The following LTBP1 variants were observed in gnomAD, a reference collection of about 807,000 sequenced individuals.
The protein encoded by LTBP1 is latent-transforming growth factor beta-binding protein 1.
Under a neutral mutation model 207.6 loss-of-function variants are expected in LTBP1, and 129 were observed. That is an observed-to-expected ratio of 0.62 (90% CI 0.54 to 0.72). The LOEUF (loss-of-function observed/expected upper bound fraction) is 0.72, where lower values mean the gene tolerates loss of function less well. Ranked by LOEUF, LTBP1 falls within the 30% of genes least tolerant of loss-of-function variation. The pLI is 0.00. For synonymous variants in LTBP1, 963 were observed against 833.7 expected, an observed-to-expected ratio of 1.16 and a Z score of -2.67; for missense variants, 2,281 against 2,217.2, an observed-to-expected ratio of 1.03 and a Z score of -0.58.
intron 3 of LTBP1, among the ~76,000 whole-genome samples, chr2:33,104,908 G>C (rs539229185): frequency 6.6e-6 from 1 of 151,898 alleles, no homozygotes; most frequent in African/African-American, 2.4e-5. Flanking sequence ...TTTTCCCCTC[G>C]GCTTTGAACC....
At chr2:33,184,781 G>GTTTTTT (rs34063170) in intron 5 of LTBP1, among the ~76,000 whole-genome samples, 1 of 136,384 alleles carries the variant, frequency 7.3e-6, no homozygotes, top group African/African-American at 2.7e-5. Flanking sequence ...AGTATTTTCT[G>GTTTTTT]TTTTTTTTTT....
At chr2:33,363,576 A>T in intron 29 of LTBP1, 58 bp downstream of exon 29, 1 of 1,551,240 alleles carries the variant, frequency 6.4e-7, no homozygotes, top group South Asian at 1.2e-5. Context: ...TGGAAAAAAT[A>T]ACTATGCTAT....
intron 22 of LTBP1, among the ~76,000 whole-genome samples, chr2:33,303,309 T>C (rs1359699128): frequency 1.3e-5 from 2 of 151,684 alleles, no homozygotes; most frequent in African/African-American, 4.8e-5. Flanking sequence ...GGTTTCAGGA[T>C]GAAACTGTCC....
chr2:33,318,287 T>A (rs1486631467), intron 24 of LTBP1, among the ~76,000 whole-genome samples: 1 of 152,134 alleles, frequency 6.6e-6, no homozygotes, highest in Non-Finnish European at 1.5e-5. Flanking sequence ...TAAAGAATGG[T>A]GTAATTCACA....
chr2:33,280,731 T>C (rs1044358211), intron 19 of LTBP1, among the ~76,000 whole-genome samples: 7 of 152,192 alleles, frequency 4.6e-5, no homozygotes, highest in Admixed American at 1.3e-4. Context: ...AGTTAAACTT[T>C]TCATTCATTC....
chr2:33,370,004 G>A (rs1201609448), intron 31 of LTBP1, among the ~76,000 whole-genome samples: 2 of 151,364 alleles, frequency 1.3e-5, no homozygotes, highest in East Asian at 3.8e-4. Context: ...AGGTTGCCCT[G>A]CCTTTGCATC....
chr2:32,995,645 C>T (rs1005889600), intron 2 of LTBP1, among the ~76,000 whole-genome samples: 31 of 152,036 alleles, frequency 2.0e-4, no homozygotes, highest in African/African-American at 5.1e-4. Flanking sequence ...AAAAATTAGC[C>T]GGGCGTGGTG....
Position 33,122,793 on chromosome 2 carries a change from G to T in LTBP1, c.1034-12000G>T, listed in dbSNP as rs541376992. Among the ~76,000 whole-genome samples the T allele has an allele frequency of 2.0e-5, 3 of 151,904 alleles. No individual in the cohort carries two copies. In the East Asian group the frequency reaches 5.8e-4, roughly 29 times the overall value. On this transcript the variant is annotated intron_variant, in intron 4 of 33. Transcript: ENST00000404816. ...TGAACTGTGTCTTAGCCTCCATGAG[G>T]TTTGGCTTATATGGCCAGCTGGTTC...
rs755742793 is a variant in LTBP1 at position 33,293,290 on chromosome 2, C to T, written c.3235+8C>T. On this transcript the variant is annotated splice_region_variant and intron_variant, in intron 20 of 33. Transcript: ENST00000404816. ...ACCACAAGCACTGTAGAGGTAAATA[C>T]TGTGATCAAGTTTCCCATTTTTATT... 10 of 1,587,086 alleles carry T rather than the reference C, an allele frequency of 6.3e-6. No individual in the cohort carries two copies. The highest frequency in any genetic ancestry group is 5.8e-5 in the Admixed American group (3 of 51,954).
In LTBP1 at chr2:33,263,348, C is replaced by T; in HGVS notation, c.2573C>T (p.Ser858Phe). The T allele has an allele frequency of 6.2e-7, 1 of 1,614,010 alleles. No individual in the cohort carries two copies. Among genetic ancestry groups the T allele is most frequent in the Non-Finnish European group, 8.5e-7 (1 of 1,179,956 alleles). ...PVPVEVAPEA[S>F]TSSASQVIAP... ...CCTGTTGAAGTAGCTCCTGAAGCTT[C>T]TACGTCTAGTGCCAGCCAAGTGATT... Residue 858 changes from serine (S) to phenylalanine (F), a missense_variant, in exon 15 of 34, where the codon TCT becomes TTT. Ser to Phe is a radical substitution (Grantham distance 155). Around this residue, in one of 3 missense-constraint regions of LTBP1, gnomAD observed 1,671 missense variants for 1,634.8 expected, o/e 1.02. Transcript: ENST00000404816.
chr2:33,108,624 A>C (rs575997380), intron 3 of LTBP1, among the ~76,000 whole-genome samples: 4 of 152,110 alleles, frequency 2.6e-5, no homozygotes, highest in South Asian at 4.1e-4. Flanking sequence ...TGGTTGGGGC[A>C]CGAATTAGGT....
intron 10 of LTBP1, among the ~76,000 whole-genome samples, chr2:33,247,275 G>A: frequency 6.6e-6 from 1 of 152,156 alleles, no homozygotes; most frequent in East Asian, 1.9e-4. Flanking sequence ...TCATTCATTT[G>A]TAATTTCCTG....
intron 5 of LTBP1, among the ~76,000 whole-genome samples, chr2:33,139,655 T>G (rs1232291681): frequency 6.6e-6 from 1 of 152,148 alleles, no homozygotes; most frequent in Non-Finnish European, 1.5e-5. Flanking sequence ...GATTGTGGAC[T>G]GAAGGGAGAC....
At chr2:33,203,925 AT>A (rs1401376355) in intron 7 of LTBP1, among the ~76,000 whole-genome samples, 7 of 152,116 alleles carry the variant, frequency 4.6e-5, no homozygotes, top group African/African-American at 7.2e-5. Context: ...TTGATGGTTG[AT>A]TTTGGCTCTA....
At chr2:33,255,752 C>G (rs2092831653) in intron 11 of LTBP1, among the ~76,000 whole-genome samples, 1 of 152,140 alleles carries the variant, frequency 6.6e-6, no homozygotes, top group Non-Finnish European at 1.5e-5. Context: ...TTTTAGCATA[C>G]TATAAGCAGT....
chr2:32,978,026 G>A (rs1682097046), intron 2 of LTBP1, among the ~76,000 whole-genome samples: 1 of 152,128 alleles, frequency 6.6e-6, no homozygotes, highest in Non-Finnish European at 1.5e-5. Flanking sequence ...TTCACTATTA[G>A]CATATAGAAA....
intron 2 of LTBP1, among the ~76,000 whole-genome samples, chr2:32,987,423 T>C (rs1441924389): frequency 3.9e-5 from 6 of 152,230 alleles, no homozygotes; most frequent in African/African-American, 1.4e-4. Flanking sequence ...CAGCCTTTAG[T>C]CACTCTGGGC....
intron 26 of LTBP1, among the ~76,000 whole-genome samples, chr2:33,351,735 C>A (rs1418811547): frequency 6.6e-6 from 1 of 152,148 alleles, no homozygotes; most frequent in Admixed American, 6.5e-5. Flanking sequence ...GGTTTTTCAT[C>A]TTTTCCCCCG....
intron 19 of LTBP1, among the ~76,000 whole-genome samples, chr2:33,283,083 AAG>A (rs1198670944): frequency 1.3e-5 from 2 of 151,190 alleles, no homozygotes; most frequent in African/African-American, 2.4e-5. Context: ...AAAAAAAAAA[AAG>A]AGAGAGTGAA....
Sources: gnomAD v4.1 joint callset for allele counts (sites outside exome capture counted in the v4.1 genomes callset) on GRCh38, gnomAD v4.1.1 for gene constraint, gnomAD v4.1.1 regional missense constraint, MANE v1.5 for transcripts, NCBI Gene and HGNC (gene_info 2026-07-23, HGNC 2026-07-21) for gene names.